Variants in DYNC1I2 observed in about 807,000 individuals in gnomAD.
The protein encoded by DYNC1I2 is dynein cytoplasmic 1 intermediate chain 2.
A neutral mutation model predicts 88.6 loss-of-function variants in DYNC1I2; 53 were observed. The observed-to-expected ratio is 0.60, with a 90% CI of 0.48 to 0.75. The LOEUF (loss-of-function observed/expected upper bound fraction) is 0.75, where lower values mean the gene tolerates loss of function less well. Ranked by LOEUF, DYNC1I2 falls within the 30% of genes least tolerant of loss-of-function variation. The pLI, the probability that DYNC1I2 is intolerant of heterozygous loss-of-function variation, is 0.00. For synonymous variants in DYNC1I2, 198 were observed against 254.6 expected (o/e 0.78, Z 2.12); for missense variants, 458 against 766.6 (o/e 0.60, Z 4.75).
At chr2:171,725,003 T>C (rs1688143223) in intron 7 of DYNC1I2, among the ~76,000 whole-genome samples, 1 of 152,188 alleles carries the variant, frequency 6.6e-6, no homozygotes, top group African/African-American at 2.4e-5. Flanking sequence ...CAATAGATAA[T>C]GAGACTTGCA....
At chr2:171,710,065 C>T (rs1355609521) in intron 5 of DYNC1I2, among the ~76,000 whole-genome samples, 2 of 151,738 alleles carry the variant, frequency 1.3e-5, no homozygotes, top group Non-Finnish European at 2.9e-5. Flanking sequence ...AGAGCACAGA[C>T]TCACTTGGAA....
chr2:171,690,251 G>GAA lies in DYNC1I2; in HGVS notation c.104_105dup (p.Glu36LysfsTer35). ...AAAAGAAGAGAAAAGAAGAAGAAAG[G>GAA]AAAAAAAAAGAAGTATGTTTGATTT... On this transcript the variant is annotated frameshift_variant, in exon 2 of 18. Transcript: ENST00000397119. LOFTEE classifies it high-confidence loss of function. 1.3e-6 allele frequency: 2 copies of GAA among 1,503,428 alleles called. No individual in the cohort carries two copies. The highest frequency in any genetic ancestry group is 2.3e-5 in the Admixed American group (1 of 43,916). 93.1% of individuals were successfully genotyped at this position (1,503,428 alleles called of 1,614,324 possible).
At chr2:171,731,763 CT>C (rs1688628091) in intron 15 of DYNC1I2, among the ~76,000 whole-genome samples, 1 of 151,628 alleles carries the variant, frequency 6.6e-6, no homozygotes, top group African/African-American at 2.4e-5. Context: ...ATGGTGGGTT[CT>C]TGTCTTGTGC....
intron 16 of DYNC1I2, 67 bp downstream of exon 16, chr2:171,744,256 GA>G: frequency 4.7e-6 from 7 of 1,489,250 alleles, no homozygotes; most frequent in Non-Finnish European, 6.3e-6. Flanking sequence ...AATAATTTGT[GA>G]AATTCCTTTT....
Position 171,748,332 on chromosome 2 carries a change from T to A in DYNC1I2, c.*443T>A. The A allele has an allele frequency of 6.6e-6, 1 of 152,662 alleles. No homozygotes were observed. Among genetic ancestry groups the A allele is most frequent in the African/African-American group, 2.4e-5 (1 of 41,396 alleles). 9.5% of individuals were successfully genotyped at this position (152,662 alleles called of 1,614,324 possible). A position where few individuals can be genotyped will look rare whatever the true frequency, so the allele number is the denominator to read the frequency against. On this transcript the variant is annotated 3_prime_UTR_variant, in exon 18 of 18. Transcript: ENST00000397119. ...CTTAGCCGTAGTATGCATACACCTA[T>A]CCATGTTCATTCTGACATCCTTTGT...
chr2:171,745,745 G>A, intron 16 of DYNC1I2, 57 bp from the exon 17 acceptor site: 2 of 1,551,510 alleles, frequency 1.3e-6, no homozygotes, highest in South Asian at 1.2e-5. Flanking sequence ...TGTTTTACAT[G>A]TTTATAGAAA....
At chr2:171,720,879 A>T (rs1212071962) in intron 7 of DYNC1I2, among the ~76,000 whole-genome samples, 1 of 152,216 alleles carries the variant, frequency 6.6e-6, no homozygotes, top group African/African-American at 2.4e-5. Flanking sequence ...TTGAAAGACT[A>T]ATCAGCATAT....
chr2:171,730,520 G>C (rs954792988), intron 15 of DYNC1I2, among the ~76,000 whole-genome samples: 10 of 152,138 alleles, frequency 6.6e-5, no homozygotes, highest in Admixed American at 2.0e-4. Context: ...TTGACCTGTT[G>C]AAAGTCTCAA....
At chr2:171,735,704 G>A (rs1559402900) in intron 15 of DYNC1I2, among the ~76,000 whole-genome samples, 1 of 152,200 alleles carries the variant, frequency 6.6e-6, no homozygotes. Context: ...TGGCAGGTCT[G>A]AAAAATGGCT....
chr2:171,690,654 GTT>G (rs1212125870), intron 2 of DYNC1I2, among the ~76,000 whole-genome samples: 3 of 136,040 alleles, frequency 2.2e-5, no homozygotes, highest in Non-Finnish European at 3.2e-5. Context: ...TTTGTTTTGG[GTT>G]TTTTTTTTTT....
chr2:171,688,121 C>T (rs1250261460), intron 1 of DYNC1I2: 1 of 152,346 alleles, frequency 6.6e-6, no homozygotes, highest in Non-Finnish European at 1.5e-5. Context: ...CTTCCGGACG[C>T]CCTGCCGTGG....
intron 6 of DYNC1I2, among the ~76,000 whole-genome samples, chr2:171,714,502 G>A (rs896249275): frequency 8.6e-5 from 13 of 152,028 alleles, no homozygotes; most frequent in African/African-American, 3.1e-4. Context: ...GTCTGGAAGC[G>A]TACTTTATTT....
chr2:171,722,323 A>G (rs1356784597), intron 7 of DYNC1I2, among the ~76,000 whole-genome samples: 1 of 152,158 alleles, frequency 6.6e-6, no homozygotes, highest in African/African-American at 2.4e-5. Flanking sequence ...TAGTTTTAGC[A>G]TTCATTGACA....
chr2:171,734,346 C>G (rs778168617), intron 15 of DYNC1I2, among the ~76,000 whole-genome samples: 17 of 152,074 alleles, frequency 1.1e-4, no homozygotes, highest in African/African-American at 1.2e-4. Flanking sequence ...TTGATACTTG[C>G]TTTTGTGGTA....
Position 171,726,919 on chromosome 2 carries a change from A to G in DYNC1I2, c.996+3A>G. On this transcript the variant is annotated splice_donor_region_variant and intron_variant, in intron 11 of 17. Coordinates refer to ENST00000397119, the MANE Select transcript of DYNC1I2 (RefSeq NM_001378.3). Reference sequence around the variant, plus strand: ...CAGAGTATGTGTTTCACTGCCAGGTATGGTGGTCTTTTAACAGTCTTCGCC... The same window carrying G: ...CAGAGTATGTGTTTCACTGCCAGGTGTGGTGGTCTTTTAACAGTCTTCGCC... The G allele has an allele frequency of 1.2e-6, 2 of 1,604,216 alleles. No individual in the cohort carries two copies. The highest frequency in any genetic ancestry group is 1.7e-6 in the Non-Finnish European group (2 of 1,176,118).
Position 171,690,137 on chromosome 2 carries a change from T to A in DYNC1I2, c.-9-10T>A. The A allele has an allele frequency of 6.6e-7, 1 of 1,506,706 alleles. No homozygotes were observed. Among genetic ancestry groups the A allele is most frequent in the African/African-American group, 1.4e-5 (1 of 71,298 alleles). The allele number at this position is 1,506,706 out of a possible 1,614,324, so 93.3% of individuals were successfully genotyped here. ...TGCTTTTACTAACATAATGATTATA[T>A]GTTTCTAAGGTCACAAACATGTCAG... is the stretch of plus-strand genomic sequence containing the variant. On this transcript the variant is annotated splice_polypyrimidine_tract_variant and intron_variant, in intron 1 of 17. Coordinates refer to ENST00000397119, the MANE Select transcript of DYNC1I2 (RefSeq NM_001378.3).
intron 6 of DYNC1I2, among the ~76,000 whole-genome samples, chr2:171,714,315 T>G (rs1341154022): frequency 6.6e-6 from 1 of 150,796 alleles, no homozygotes; most frequent in Non-Finnish European, 1.5e-5. Flanking sequence ...TACTTTGTTA[T>G]GCTTTATTAG....
chr2:171,700,789 G>A (rs991274406), intron 3 of DYNC1I2, among the ~76,000 whole-genome samples: 4 of 151,930 alleles, frequency 2.6e-5, no homozygotes, highest in Non-Finnish European at 5.9e-5. Context: ...CCGCCACCAC[G>A]CCCGGCTAAT....
intron 6 of DYNC1I2, 146 bp from the exon 7 acceptor site, chr2:171,715,182 G>T: frequency 1.9e-6 from 1 of 526,610 alleles, no homozygotes. Context: ...CTAAAATAAA[G>T]CCAATTTATT....
Sources: gnomAD v4.1 joint callset for allele counts (sites outside exome capture counted in the v4.1 genomes callset) on GRCh38, gnomAD v4.1.1 for gene constraint, MANE v1.5 for transcripts, NCBI Gene and HGNC (gene_info 2026-07-23, HGNC 2026-07-21) for gene names.